Variants in GLI3 observed in about 807,000 individuals in gnomAD.
The protein encoded by GLI3 is GLI family zinc finger 3.
In GLI3, 20 loss-of-function variants were observed where a neutral mutation model predicts 100.8. The observed-to-expected ratio is 0.20, with a 90% CI of 0.14 to 0.29. The LOEUF (loss-of-function observed/expected upper bound fraction) is 0.29. Ranked by LOEUF, GLI3 falls within the 10% of genes least tolerant of loss-of-function variation. The pLI is 1.00. For synonymous variants in GLI3, 938 were observed against 860.5 expected, an observed-to-expected ratio of 1.09 and a Z score of -1.58; for missense variants, 2,040 against 2,128.5, an observed-to-expected ratio of 0.96 and a Z score of 0.82.
intron 7 of GLI3, among the ~76,000 whole-genome samples, chr7:42,026,779 G>A (rs1789129523): frequency 6.6e-6 from 1 of 152,204 alleles, no homozygotes. Flanking sequence ...CCTGTGCATG[G>A]AGCAATTCCT....
chr7:42,211,902 G>T (rs934901281), intron 2 of GLI3, among the ~76,000 whole-genome samples: 4 of 152,154 alleles, frequency 2.6e-5, no homozygotes, highest in African/African-American at 9.7e-5. Flanking sequence ...AAAACCAACA[G>T]CAAACCAATA....
intron 3 of GLI3, chr7:42,145,286 T>G (rs916310439): frequency 7.1e-5 from 22 of 311,912 alleles, no homozygotes; most frequent in African/African-American, 4.5e-4. Context: ...TAGGATGTCT[T>G]TAAATATTCA....
intron 3 of GLI3, among the ~76,000 whole-genome samples, chr7:42,092,434 G>A (rs892497720): frequency 1.6e-4 from 25 of 152,176 alleles, no homozygotes; most frequent in Non-Finnish European, 2.4e-4. Flanking sequence ...CGCAAAGCCC[G>A]TGGTGTGCTG....
intron 3 of GLI3, among the ~76,000 whole-genome samples, chr7:42,084,327 CCTTTACTG>C (rs1785057217): frequency 6.6e-6 from 1 of 152,188 alleles, no homozygotes; most frequent in Non-Finnish European, 1.5e-5. Flanking sequence ...GAAACCTCTG[CCTTTACTG>C]CTTCAGGTAT....
At chr7:41,979,692 G>A (rs1186326957) in intron 10 of GLI3, among the ~76,000 whole-genome samples, 1 of 152,170 alleles carries the variant, frequency 6.6e-6, no homozygotes, top group Non-Finnish European at 1.5e-5. Flanking sequence ...TTGCATCCTA[G>A]GTTGATGCTG....
chr7:42,205,548 G>A (rs975706218), intron 2 of GLI3, among the ~76,000 whole-genome samples: 4 of 152,186 alleles, frequency 2.6e-5, no homozygotes, highest in African/African-American at 9.6e-5. Context: ...TAAGCATGCA[G>A]CCCACTGTAG....
At chr7:42,074,954 A>G (rs78095021) in intron 4 of GLI3, among the ~76,000 whole-genome samples, 3,698 of 152,230 alleles carry the variant, frequency 0.024, 161 homozygotes, top group African/African-American at 0.084. Context: ...ACCCAGCTCA[A>G]CAGTCACACC....
intron 2 of GLI3, among the ~76,000 whole-genome samples, chr7:42,170,844 G>A (rs757816274): frequency 6.6e-6 from 1 of 152,146 alleles, no homozygotes; most frequent in African/African-American, 2.4e-5. Flanking sequence ...TCCCCTGTAG[G>A]GGTGGGAAGG....
rs772276953 is a variant in GLI3, at chr7:41,967,795, G to T, written c.2232C>A (p.Ile744=). The T allele has an allele frequency of 2.3e-5, 37 of 1,614,054 alleles. No individual in the cohort carries two copies. Among genetic ancestry groups the T allele is most frequent in the Non-Finnish European group, 3.1e-5 (36 of 1,180,028 alleles). ...DGGSIGDLSA[I]DETPIMDSTI... is the part of the protein sequence containing the mutation. ...TTGAGTCCATGATTGGGGTTTCATC[G>T]ATGGCACTGAGGTCTCCTATACTAC... The change falls in exon 14 of 15, where the codon ATC becomes ATA. Residue 744 remains isoleucine (I), a synonymous_variant. Transcript: ENST00000395925.
intron 4 of GLI3, among the ~76,000 whole-genome samples, chr7:42,058,833 G>A (rs910076216): frequency 4.6e-5 from 7 of 152,184 alleles, no homozygotes; most frequent in Non-Finnish European, 1.0e-4. Context: ...AGACTGCAAA[G>A]AACAATGTGC....
chr7:42,194,486 G>T (rs1400525916), intron 2 of GLI3, among the ~76,000 whole-genome samples: 3 of 152,140 alleles, frequency 2.0e-5, no homozygotes, highest in Non-Finnish European at 4.4e-5. Flanking sequence ...AACATCAACA[G>T]TTCCAACTCA....
At chr7:42,175,095 C>A (rs1199361111) in intron 2 of GLI3, among the ~76,000 whole-genome samples, 1 of 150,154 alleles carries the variant, frequency 6.7e-6, no homozygotes, top group Non-Finnish European at 1.5e-5. Flanking sequence ...CCAGAGAGAC[C>A]CTGAGACTAG....
chr7:42,137,406 G>A (rs946650957), intron 3 of GLI3, among the ~76,000 whole-genome samples: 3 of 151,874 alleles, frequency 2.0e-5, no homozygotes, highest in African/African-American at 7.3e-5. Flanking sequence ...TCCCCCTACT[G>A]TCCCAACCCC....
intron 3 of GLI3, among the ~76,000 whole-genome samples, chr7:42,123,583 C>T (rs918135800): frequency 1.3e-5 from 2 of 152,138 alleles, no homozygotes; most frequent in Non-Finnish European, 2.9e-5. Context: ...AAAAATTCTC[C>T]ATAGCATAAA....
chr7:42,128,456 T>C (rs2128775456), intron 3 of GLI3, among the ~76,000 whole-genome samples: 1 of 152,366 alleles, frequency 6.6e-6, no homozygotes, highest in African/African-American at 2.4e-5. Flanking sequence ...GGCTTTTGGA[T>C]CACTGTCTTT....
intron 3 of GLI3, chr7:42,118,315 G>A: frequency 2.5e-6 from 1 of 398,554 alleles, no homozygotes; most frequent in Non-Finnish European, 4.4e-6. Context: ...CTTTCTCACT[G>A]AATTCTCCAC....
chr7:41,970,503 A>C lies in GLI3; in HGVS notation c.2103+1834T>G, dbSNP rs1057080131. On this transcript the variant is annotated intron_variant, in intron 13 of 14. Coordinates refer to ENST00000395925, the MANE Select transcript of GLI3 (RefSeq NM_000168.6). ...TCCTATGGTTCTAGGTTGGTGCCAA[A>C]GTAACTGTGGGTTTTGCCATTAAAA... Among the ~76,000 whole-genome samples, 23 of 152,234 alleles carry C rather than the reference A, an allele frequency of 1.5e-4. No homozygotes were observed. The South Asian group carries it at 4.2e-3, about 28-fold the overall frequency.
intron 4 of GLI3, among the ~76,000 whole-genome samples, chr7:42,051,049 C>G (rs757354337): frequency 3.3e-5 from 5 of 152,158 alleles, no homozygotes; most frequent in Non-Finnish European, 5.9e-5. Flanking sequence ...CCTTTCCCAC[C>G]AGGACACTGA....
At chr7:42,049,209 A>C (rs1340959845) in intron 4 of GLI3, among the ~76,000 whole-genome samples, 1 of 152,260 alleles carries the variant, frequency 6.6e-6, no homozygotes, top group Non-Finnish European at 1.5e-5. Flanking sequence ...AAGCCTGATC[A>C]TGCACATGGC....
Sources: gnomAD v4.1 joint callset for allele counts (sites outside exome capture counted in the v4.1 genomes callset) on GRCh38, gnomAD v4.1.1 for gene constraint, MANE v1.5 for transcripts, NCBI Gene and HGNC (gene_info 2026-07-23, HGNC 2026-07-21) for gene names.